The following CORO2B variants were observed in gnomAD, a reference collection of about 807,000 sequenced individuals.
CORO2B encodes the protein coronin-2B.
Under a neutral mutation model 58.8 loss-of-function variants are expected in CORO2B, and 26 were observed. The observed-to-expected ratio is 0.44, with a 90% CI of 0.32 to 0.61. CORO2B has a LOEUF of 0.61. Among genes scored for constraint, CORO2B ranks in the 20% least tolerant of loss-of-function variants. The probability of loss-of-function intolerance (pLI) is 0.04; values close to 1 mark genes in which losing one functional copy is unlikely to be tolerated. For synonymous variants in CORO2B, 242 were observed against 253.8 expected, an observed-to-expected ratio of 0.95 and a Z score of 0.44; for missense variants, 460 against 645.1, an observed-to-expected ratio of 0.71 and a Z score of 3.11.
At chr15:68,712,904 A>G (rs1892953280) in intron 5 of CORO2B, among the ~76,000 whole-genome samples, 1 of 152,122 alleles carries the variant, frequency 6.6e-6, no homozygotes, top group Admixed American at 6.5e-5. Flanking sequence ...CCCACCTCCA[A>G]TTCCCAAATG....
At chr15:68,693,989 C>T (rs546966154) in intron 2 of CORO2B, among the ~76,000 whole-genome samples, 2 of 152,274 alleles carry the variant, frequency 1.3e-5, no homozygotes, top group South Asian at 4.1e-4. Context: ...GCGTGTGTCA[C>T]CATGCCTGCT....
At chr15:68,624,189 G>A (rs1900609385) in intron 1 of CORO2B, among the ~76,000 whole-genome samples, 1 of 152,122 alleles carries the variant, frequency 6.6e-6, no homozygotes, top group Admixed American at 6.6e-5. Context: ...GTAAACTAGA[G>A]GCACCACTCT....
intron 1 of CORO2B, among the ~76,000 whole-genome samples, chr15:68,606,332 T>C (rs1900123974): frequency 6.6e-6 from 1 of 152,022 alleles, no homozygotes; most frequent in Non-Finnish European, 1.5e-5. Flanking sequence ...CACCTGGAGA[T>C]CCCTCCAGGC....
the CORO2B span, among the ~76,000 whole-genome samples, chr15:68,571,481 C>T: frequency 2.6e-5 from 4 of 152,134 alleles, no homozygotes; most frequent in African/African-American, 9.7e-5. Context: ...TGGACCTGAA[C>T]AAGAAAAGAT....
At chr15:68,559,191 G>A in the CORO2B span, among the ~76,000 whole-genome samples, 8 of 151,960 alleles carry the variant, frequency 5.3e-5, no homozygotes, top group African/African-American at 1.5e-4. This position sits in a 1 kb window ranked among gnomAD's most constrained non-coding sequence, Gnocchi z 4.3. Flanking sequence ...ACTTCAAAGC[G>A]GCAGCGCATT....
intron 2 of CORO2B, among the ~76,000 whole-genome samples, chr15:68,673,605 A>C (rs1326330356): frequency 6.6e-6 from 1 of 152,184 alleles, no homozygotes; most frequent in Admixed American, 6.5e-5. Context: ...TAGGAGGCCA[A>C]GGCAGGCGAA....
chr15:68,701,262 G>A (rs1892635928), intron 3 of CORO2B, among the ~76,000 whole-genome samples: 1 of 151,954 alleles, frequency 6.6e-6, no homozygotes, highest in African/African-American at 2.4e-5. Context: ...TCAAATCCTG[G>A]CTCTGCCACT....
chr15:68,559,462 C>A, the CORO2B span: 2 of 334,008 alleles, frequency 6.0e-6, no homozygotes, highest in Non-Finnish European at 8.5e-6. This position sits in a 1 kb window ranked among gnomAD's most constrained non-coding sequence, Gnocchi z 4.3. Context: ...CAAGCAGAAT[C>A]CCTGCCCCAG....
At chr15:68,658,611 C>A (rs568285966) in intron 2 of CORO2B, among the ~76,000 whole-genome samples, 4 of 152,226 alleles carry the variant, frequency 2.6e-5, no homozygotes, top group Non-Finnish European at 4.4e-5. Context: ...TAGGTCCACC[C>A]GAGCTGCTTA....
rs145439933 is a variant in CORO2B, at chr15:68,629,716, C to T, written c.16-15444C>T. On this transcript the variant is annotated intron_variant, in intron 1 of 11. Transcript: ENST00000261861. ...CGAGCAGCCTCAGTAGGGGTCAGAT[C>T]AGGAGGACTTGGACGAGGCTGAGGC... Among the ~76,000 whole-genome samples, 24 of 152,256 alleles carry T rather than the reference C, an allele frequency of 1.6e-4. 1 individual carries two copies. The highest frequency in any genetic ancestry group is 1.2e-3 in the East Asian group (6 of 5,182).
chr15:68,565,495 T>C, the CORO2B span, among the ~76,000 whole-genome samples: 1 of 151,442 alleles, frequency 6.6e-6, no homozygotes, highest in African/African-American at 2.4e-5. Flanking sequence ...TATATATTCA[T>C]GTGCATGCCA....
intron 2 of CORO2B, among the ~76,000 whole-genome samples, chr15:68,666,709 G>T (rs1414647872): frequency 6.6e-6 from 1 of 152,124 alleles, no homozygotes; most frequent in Non-Finnish European, 1.5e-5. Context: ...GGATGGGCAG[G>T]GAAGGGGCCA....
chr15:68,700,216 C>T (rs147662256), intron 3 of CORO2B, among the ~76,000 whole-genome samples: 65 of 152,308 alleles, frequency 4.3e-4, no homozygotes, highest in East Asian at 3.7e-3. Context: ...GGAGGTCAGT[C>T]GGCAAAGCTG....
At chr15:68,633,728 T>C (rs1039732734) in intron 1 of CORO2B, among the ~76,000 whole-genome samples, 3 of 152,246 alleles carry the variant, frequency 2.0e-5, no homozygotes, top group Non-Finnish European at 4.4e-5. Context: ...TTTGGGGCAC[T>C]GAGAGATGGG....
chr15:68,683,267 G>T (rs1048455940), intron 2 of CORO2B, among the ~76,000 whole-genome samples: 1 of 152,148 alleles, frequency 6.6e-6, no homozygotes, highest in Non-Finnish European at 1.5e-5. Context: ...CCTGAAGGAC[G>T]AAGGCCTGTT....
chr15:68,560,821 C>G, the CORO2B span, among the ~76,000 whole-genome samples: 1 of 152,214 alleles, frequency 6.6e-6, no homozygotes, highest in Non-Finnish European at 1.5e-5. Context: ...CTAGTGGATT[C>G]TGTACGAGGG....
At chr15:68,650,518 C>T (rs925383136) in intron 2 of CORO2B, among the ~76,000 whole-genome samples, 9 of 152,116 alleles carry the variant, frequency 5.9e-5, no homozygotes, top group African/African-American at 2.2e-4. Flanking sequence ...AGGCTGAGGC[C>T]GGAGAATCGC....
rs545623390 is a variant in CORO2B, at chr15:68,713,245, A to T, written c.649-680A>T. Among the ~76,000 whole-genome samples the T allele has an allele frequency of 3.9e-5, 6 of 152,178 alleles. No individual in the cohort carries two copies. In the South Asian group the frequency reaches 1.2e-3, roughly 32 times the overall value. ...CCTCACCCTCAAAATGGGGATAATGATTTCTTCCGATAGATATTGTTATGG... is the reference window on the plus strand; with the variant it reads ...CCTCACCCTCAAAATGGGGATAATGTTTTCTTCCGATAGATATTGTTATGG... On this transcript the variant is annotated intron_variant, in intron 5 of 11. Coordinates refer to ENST00000261861, the MANE Select transcript of CORO2B (RefSeq NM_006091.5).
At chr15:68,721,607 G>A (rs924030169) in intron 11 of CORO2B, among the ~76,000 whole-genome samples, 50 of 152,166 alleles carry the variant, frequency 3.3e-4, no homozygotes, top group African/African-American at 1.2e-3. Flanking sequence ...TCAAGTGGCT[G>A]AGGCAGGAGA....
Sources: allele counts gnomAD v4.1 joint callset (sites outside exome capture counted in the v4.1 genomes callset), GRCh38; gene constraint gnomAD v4.1.1; non-coding constraint Gnocchi (gnomAD v3.1); transcripts MANE v1.5; gene names NCBI Gene and HGNC (gene_info 2026-07-23, HGNC 2026-07-21).